The following MYO3B variants were observed in gnomAD, a reference collection of about 807,000 sequenced individuals.
MYO3B encodes myosin-IIIb.
A neutral mutation model predicts 174.6 loss-of-function variants in MYO3B; 156 were observed. That is an observed-to-expected ratio of 0.89 (90% CI 0.78 to 1.02). The LOEUF (loss-of-function observed/expected upper bound fraction) is 1.02, where lower values mean the gene tolerates loss of function less well. Ranked by LOEUF, MYO3B falls within the 50% of genes least tolerant of loss-of-function variation. The pLI is 0.00. For synonymous variants in MYO3B, 563 were observed against 569.1 expected, an observed-to-expected ratio of 0.99 and a Z score of 0.15; for missense variants, 1,632 against 1,639.4, an observed-to-expected ratio of 1.00 and a Z score of 0.08.
intron 7 of MYO3B, among the ~76,000 whole-genome samples, chr2:170,279,209 C>G (rs1028304004): frequency 3.3e-5 from 5 of 152,070 alleles, no homozygotes; most frequent in Non-Finnish European, 7.4e-5. Context: ...AATCTCTTTA[C>G]TATTTTCCCT....
At chr2:170,300,102 A>G (rs2093656173) in intron 7 of MYO3B, among the ~76,000 whole-genome samples, 1 of 152,240 alleles carries the variant, frequency 6.6e-6, no homozygotes, top group Admixed American at 6.5e-5. Context: ...CCGATAGGGC[A>G]GACATTAGAG....
In MYO3B at chr2:170,206,482, T is replaced by C. The variant is rs549741893; in HGVS notation, c.321+6198T>C. Reference sequence around the variant, plus strand: ...TAATAGGTAATAAACCAGACAGTCATAAACTATTGATAACAAAGAGGTGCC... The same window carrying C: ...TAATAGGTAATAAACCAGACAGTCACAAACTATTGATAACAAAGAGGTGCC... On this transcript the variant is annotated intron_variant, in intron 3 of 34. Transcript: ENST00000408978. The surrounding 1 kb of genome is among the most constrained non-coding windows in gnomAD (Gnocchi z 4.3). 1.3e-5 allele frequency among the ~76,000 whole-genome samples: 2 copies of C among 152,162 alleles called. No homozygotes were observed. Among genetic ancestry groups the C allele is most frequent in the African/African-American group, 2.4e-5 (1 of 41,448 alleles).
rs2094334671 is a variant in MYO3B, at chr2:170,381,410, G to A, written c.972-606G>A. Among the ~76,000 whole-genome samples, 5 of 152,084 alleles carry A rather than the reference G, an allele frequency of 3.3e-5. No homozygotes were observed. The South Asian group carries it at 1.0e-3, about 32-fold the overall frequency. On this transcript the variant is annotated intron_variant, in intron 9 of 34. Coordinates refer to ENST00000408978, the MANE Select transcript of MYO3B (RefSeq NM_138995.5). ...GTATATTGCTCATGGGTATCTATAGGCATATGACCAATATTTAAAAATAGA... is the reference window on the plus strand; with the variant it reads ...GTATATTGCTCATGGGTATCTATAGACATATGACCAATATTTAAAAATAGA...
At chr2:170,553,149 G>A (rs1691039405) in intron 32 of MYO3B, among the ~76,000 whole-genome samples, 1 of 152,192 alleles carries the variant, frequency 6.6e-6, no homozygotes. Flanking sequence ...TGTGGGGTTG[G>A]AGCCCCCACA....
rs1418836139 is a variant in MYO3B, at chr2:170,501,881, T to C, written c.3370+16T>C. 3 of 1,524,484 alleles carry C rather than the reference T, an allele frequency of 2.0e-6. No individual in the cohort carries two copies. Among genetic ancestry groups the C allele is most frequent in the South Asian group, 2.3e-5 (2 of 88,354 alleles). 94.4% of individuals were successfully genotyped at this position (1,524,484 alleles called of 1,614,324 possible). The stretch of plus-strand genomic sequence containing the variant: ...AATCAAGCAGGTAATTAAAACATCA[T>C]TTTCACAGTGTCCACTTGAAAATAT... On this transcript the variant is annotated intron_variant, in intron 28 of 34. Coordinates refer to ENST00000408978, the MANE Select transcript of MYO3B (RefSeq NM_138995.5).
chr2:170,185,766 A>G (rs532744313), intron 1 of MYO3B, among the ~76,000 whole-genome samples: 69 of 152,246 alleles, frequency 4.5e-4, no homozygotes, highest in Non-Finnish European at 7.8e-4. Context: ...TGCTTCTTTC[A>G]AACTATGAAC....
At chr2:170,479,367 TA>T (rs981678336) in intron 25 of MYO3B, among the ~76,000 whole-genome samples, 2 of 147,004 alleles carry the variant, frequency 1.4e-5, no homozygotes, top group Non-Finnish European at 3.0e-5. Context: ...TATTTATATA[TA>T]AAAATAATAT....
chr2:170,393,314 C>A (rs990377761), intron 16 of MYO3B, among the ~76,000 whole-genome samples: 3 of 151,902 alleles, frequency 2.0e-5, no homozygotes, highest in Non-Finnish European at 2.9e-5. Flanking sequence ...GAACTCCTGA[C>A]CTCAAGTGAT....
intron 32 of MYO3B, among the ~76,000 whole-genome samples, chr2:170,638,987 G>T (rs868407555): frequency 6.6e-6 from 1 of 152,144 alleles, no homozygotes; most frequent in African/African-American, 2.4e-5. Flanking sequence ...CAGTAGAACT[G>T]GAACTAGCTC....
chr2:170,575,761 C>T (rs1212122740), intron 32 of MYO3B, among the ~76,000 whole-genome samples: 1 of 152,078 alleles, frequency 6.6e-6, no homozygotes, highest in Non-Finnish European at 1.5e-5. Flanking sequence ...TCTAATATTT[C>T]CTCTAATACA....
intron 32 of MYO3B, among the ~76,000 whole-genome samples, chr2:170,578,905 G>C (rs886291648): frequency 6.6e-6 from 1 of 152,142 alleles, no homozygotes; most frequent in Non-Finnish European, 1.5e-5. Context: ...AGAATGACTT[G>C]GTACTGAAAT....
At chr2:170,388,604 ATT>A (rs1337219128) in intron 14 of MYO3B, among the ~76,000 whole-genome samples, 1 of 152,152 alleles carries the variant, frequency 6.6e-6, no homozygotes, top group African/African-American at 2.4e-5. Context: ...CCCAACTTTC[ATT>A]TTGAGATGAT....
At chr2:170,257,569 C>A (rs565618967) in intron 7 of MYO3B, among the ~76,000 whole-genome samples, 1 of 152,184 alleles carries the variant, frequency 6.6e-6, no homozygotes, top group East Asian at 1.9e-4. Flanking sequence ...ACCAAAATTT[C>A]TGGGATGCAG....
chr2:170,570,075 A>G (rs1029097662), intron 32 of MYO3B, among the ~76,000 whole-genome samples: 21 of 152,190 alleles, frequency 1.4e-4, no homozygotes, highest in Non-Finnish European at 2.6e-4. Flanking sequence ...GGTTAAGGAG[A>G]CTCAGACACT....
At chr2:170,499,583 G>A in intron 26 of MYO3B, 63 bp from the exon 27 acceptor site, 1 of 1,425,920 alleles carries the variant, frequency 7.0e-7, no homozygotes, top group Non-Finnish European at 9.9e-7. Context: ...AGAATATGCT[G>A]TAGTAGAGTG....
chr2:170,646,895 G>A (rs765749167), intron 32 of MYO3B: 4 of 1,352,948 alleles, frequency 3.0e-6, no homozygotes, highest in Non-Finnish European at 4.0e-6. Flanking sequence ...ATATTTCTCT[G>A]TCTCTCGCCT....
At chr2:170,381,465 C>T (rs2094335014) in intron 9 of MYO3B, among the ~76,000 whole-genome samples, 1 of 152,080 alleles carries the variant, frequency 6.6e-6, no homozygotes, top group African/African-American at 2.4e-5. Context: ...ATAGTGGTCA[C>T]CTCAGGAGAG....
In MYO3B at chr2:170,654,946, A is replaced by G. The variant is rs987058750; in HGVS notation, c.*1825A>G. On this transcript the variant is annotated 3_prime_UTR_variant, in exon 35 of 35. Transcript: ENST00000408978. ...TTTTATTGTTTAAAAAATAATGTGT[A>G]GAATATATAAATTTTTTATGTTACT... 4.6e-5 allele frequency: 7 copies of G among 152,172 alleles called. No individual in the cohort carries two copies. Among genetic ancestry groups the G allele is most frequent in the Admixed American group, 3.3e-4 (5 of 15,278 alleles). The allele number at this position is 152,172 out of a possible 1,614,324, so 9.4% of individuals were successfully genotyped here.
chr2:170,366,286 C>CT (rs1002249562), intron 8 of MYO3B, among the ~76,000 whole-genome samples: 3 of 151,724 alleles, frequency 2.0e-5, no homozygotes, highest in Middle Eastern at 3.2e-3. Flanking sequence ...TAAGAAAGCA[C>CT]TTTTTTTTGT....
Sources: allele counts gnomAD v4.1 joint callset (sites outside exome capture counted in the v4.1 genomes callset), GRCh38; gene constraint gnomAD v4.1.1; non-coding constraint Gnocchi (gnomAD v3.1); transcripts MANE v1.5; gene names NCBI Gene and HGNC (gene_info 2026-07-23, HGNC 2026-07-21).